Variants in GALNTL6 observed in about 807,000 individuals in gnomAD.
The protein encoded by GALNTL6 is polypeptide N-acetylgalactosaminyltransferase like 6.
GALNTL6 carries 46 observed loss-of-function variants against 73.7 expected under a neutral mutation model. That is an observed-to-expected ratio of 0.62 (90% CI 0.49 to 0.80). GALNTL6 has a LOEUF of 0.80. GALNTL6 is among the 30% of genes least tolerant of loss of function. The pLI is 0.00. For missense variants in GALNTL6, 604 were observed against 755.0 expected (o/e 0.80, Z 2.34); for synonymous variants, 259 against 263.7 (o/e 0.98, Z 0.17).
At chr4:172,722,747 T>G (rs1735558059) in intron 5 of GALNTL6, among the ~76,000 whole-genome samples, 1 of 152,226 alleles carries the variant, frequency 6.6e-6, no homozygotes, top group African/African-American at 2.4e-5. Context: ...GAACAAATCT[T>G]TTGAATAAAT....
At chr4:172,192,115 G>A (rs1046957933) in intron 2 of GALNTL6, among the ~76,000 whole-genome samples, 19 of 151,974 alleles carry the variant, frequency 1.3e-4, no homozygotes, top group African/African-American at 4.6e-4. Context: ...TGAAAGTGGT[G>A]TAATAATATT....
At chr4:172,522,423 C>A (rs1366198703) in intron 5 of GALNTL6, among the ~76,000 whole-genome samples, 2 of 152,128 alleles carry the variant, frequency 1.3e-5, no homozygotes, top group African/African-American at 4.8e-5. Context: ...GTAATCCCAG[C>A]ACTTTGGGAG....
intron 11 of GALNTL6, among the ~76,000 whole-genome samples, chr4:173,014,401 C>T (rs991250286): frequency 1.3e-5 from 2 of 152,166 alleles, no homozygotes; most frequent in Admixed American, 6.5e-5. Flanking sequence ...GCTGTTCCCA[C>T]TCTGCAGGCC....
intron 2 of GALNTL6, among the ~76,000 whole-genome samples, chr4:172,170,221 G>A (rs1374016336): frequency 6.6e-6 from 1 of 152,174 alleles, no homozygotes; most frequent in Non-Finnish European, 1.5e-5. Context: ...ATCCCCACGT[G>A]TCAAGGGAGA....
intron 2 of GALNTL6, among the ~76,000 whole-genome samples, chr4:172,100,217 ATTG>A (rs1732472307): frequency 6.6e-6 from 1 of 152,170 alleles, no homozygotes; most frequent in Non-Finnish European, 1.5e-5. Flanking sequence ...TATCACAAAC[ATTG>A]TTATTTATTT....
intron 5 of GALNTL6, among the ~76,000 whole-genome samples, chr4:172,771,756 T>C (rs995552370): frequency 6.6e-6 from 1 of 152,180 alleles, no homozygotes; most frequent in Non-Finnish European, 1.5e-5. Context: ...TAGATGTCTA[T>C]GGGTTAAGTT....
chr4:172,406,426 AATAC>A (rs1561068829), intron 5 of GALNTL6, among the ~76,000 whole-genome samples: 2 of 152,140 alleles, frequency 1.3e-5, no homozygotes, highest in South Asian at 2.1e-4. Context: ...AAATTTAAAT[AATAC>A]ATATATATAT....
At chr4:172,515,335 G>A (rs534271900) in intron 5 of GALNTL6, among the ~76,000 whole-genome samples, 63 of 152,340 alleles carry the variant, frequency 4.1e-4, no homozygotes, top group South Asian at 1.0e-3. Context: ...CTGGGTGAAG[G>A]ATATCTGTTC....
rs1255006872 is a variant in GALNTL6 at position 172,308,730 on chromosome 4, C to A, written c.248-2884C>A. On this transcript the variant is annotated intron_variant, in intron 3 of 12. Coordinates refer to ENST00000506823, the MANE Select transcript of GALNTL6 (RefSeq NM_001034845.3). The stretch of plus-strand genomic sequence containing the variant: ...CCAGAGACTATATAAGTCCAAGAGA[C>A]CTTACAGCAAATTTTGTCATTAATG... 4.6e-5 allele frequency among the ~76,000 whole-genome samples: 7 copies of A among 152,070 alleles called. No homozygotes were observed. The East Asian group carries it at 1.2e-3, about 25-fold the overall frequency.
intron 2 of GALNTL6, among the ~76,000 whole-genome samples, chr4:172,181,265 C>A (rs1485519720): frequency 1.3e-5 from 2 of 152,146 alleles, no homozygotes; most frequent in Non-Finnish European, 2.9e-5. Flanking sequence ...AAAAGTATAT[C>A]CAGCACGATC....
intron 5 of GALNTL6, among the ~76,000 whole-genome samples, chr4:172,349,847 T>TA (rs1561039881): frequency 2.4e-4 from 10 of 41,158 alleles, no homozygotes; most frequent in East Asian, 1.1e-3. Context: ...ATATATATAT[T>TA]TTTTTTAAAC....
intron 8 of GALNTL6, among the ~76,000 whole-genome samples, chr4:172,883,635 C>G (rs1013392241): frequency 6.6e-6 from 1 of 152,202 alleles, no homozygotes; most frequent in Non-Finnish European, 1.5e-5. Flanking sequence ...GGCCTCACCT[C>G]CAACACTGGG....
chr4:172,543,120 T>C (rs1473073704), intron 5 of GALNTL6, among the ~76,000 whole-genome samples: 1 of 152,054 alleles, frequency 6.6e-6, no homozygotes, highest in African/African-American at 2.4e-5. Context: ...AGCTGTGCTA[T>C]ATAAAAATCA....
At chr4:172,044,684 A>G (rs1742171588) in intron 2 of GALNTL6, among the ~76,000 whole-genome samples, 1 of 151,924 alleles carries the variant, frequency 6.6e-6, no homozygotes, top group Admixed American at 6.6e-5. Flanking sequence ...TGCTTTTTTC[A>G]TTGTAATTGA....
intron 2 of GALNTL6, among the ~76,000 whole-genome samples, chr4:171,905,887 A>G (rs1737260341): frequency 6.6e-6 from 1 of 150,964 alleles, no homozygotes; most frequent in Non-Finnish European, 1.5e-5. Context: ...CTGCTCCTGA[A>G]TGACTACTGG....
intron 5 of GALNTL6, among the ~76,000 whole-genome samples, chr4:172,713,423 C>T (rs534018850): frequency 6.6e-6 from 1 of 151,964 alleles, no homozygotes; most frequent in African/African-American, 2.4e-5. Context: ...GGCAGCATTC[C>T]CTCTTGCTGC....
chr4:171,920,497 T>C (rs1484497726), intron 2 of GALNTL6, among the ~76,000 whole-genome samples: 4 of 152,124 alleles, frequency 2.6e-5, no homozygotes, highest in African/African-American at 4.8e-5. Context: ...TAACTAGTTA[T>C]AGAATTTATC....
At chr4:172,377,908 C>CG (rs1561054896) in intron 5 of GALNTL6, among the ~76,000 whole-genome samples, 1 of 151,978 alleles carries the variant, frequency 6.6e-6, no homozygotes, top group African/African-American at 2.4e-5. Flanking sequence ...AGATCCCCCC[C>CG]CCCATGCCTC....
At chr4:172,225,662 G>T (rs76197378) in intron 2 of GALNTL6, among the ~76,000 whole-genome samples, 1 of 152,026 alleles carries the variant, frequency 6.6e-6, no homozygotes, top group Non-Finnish European at 1.5e-5. Flanking sequence ...TGGCTGAGGC[G>T]TGAGAATTGC....
Sources: gnomAD v4.1 joint callset for allele counts (sites outside exome capture counted in the v4.1 genomes callset) on GRCh38, gnomAD v4.1.1 for gene constraint, MANE v1.5 for transcripts, NCBI Gene and HGNC (gene_info 2026-07-23, HGNC 2026-07-21) for gene names.